The following RFFL variants were observed in gnomAD, a reference collection of about 807,000 sequenced individuals.
RFFL encodes the protein E3 ubiquitin-protein ligase rififylin.
RFFL carries 16 observed loss-of-function variants against 40.4 expected under a neutral mutation model. The observed-to-expected ratio is 0.40, with a 90% CI of 0.27 to 0.60. The LOEUF (loss-of-function observed/expected upper bound fraction) is 0.60, where lower values mean the gene tolerates loss of function less well. RFFL is among the 20% of genes least tolerant of loss of function. The pLI is 0.47. For missense variants in RFFL, 367 were observed against 451.7 expected (o/e 0.81, Z 1.70); for synonymous variants, 154 against 167.9 (o/e 0.92, Z 0.64).
At chr17:35,084,166 G>A (rs2091417525) in intron 1 of RFFL, among the ~76,000 whole-genome samples, 1 of 152,242 alleles carries the variant, frequency 6.6e-6, no homozygotes, top group African/African-American at 2.4e-5. Flanking sequence ...TTGAACCCAG[G>A]AGGCAGAGGT....
At chr17:35,044,412 G>C (rs1475001427) in intron 1 of RFFL, among the ~76,000 whole-genome samples, 1 of 152,242 alleles carries the variant, frequency 6.6e-6, no homozygotes, top group South Asian at 2.1e-4. Context: ...AGCCAGGCGC[G>C]GCAGGCTCAC....
At chr17:35,079,706 A>G (rs145879569) in intron 1 of RFFL, among the ~76,000 whole-genome samples, 2 of 152,248 alleles carry the variant, frequency 1.3e-5, no homozygotes, top group Non-Finnish European at 2.9e-5. Flanking sequence ...GATCAATGGG[A>G]GTGGTGGGGA....
chr17:35,055,656 A>T (rs2091256220), intron 1 of RFFL, among the ~76,000 whole-genome samples: 1 of 149,094 alleles, frequency 6.7e-6, no homozygotes, highest in Non-Finnish European at 1.5e-5. Context: ...GGGCCACAAG[A>T]GCAAAACTCC....
chr17:35,085,686 C>T (rs1433954977), intron 1 of RFFL, among the ~76,000 whole-genome samples: 1 of 152,170 alleles, frequency 6.6e-6, no homozygotes, highest in Non-Finnish European at 1.5e-5. Flanking sequence ...CCTCTGCCTC[C>T]CAAAGTGCTG....
At chr17:35,069,538 C>T (rs1379450300) in intron 1 of RFFL, 1 of 338,144 alleles carries the variant, frequency 3.0e-6, no homozygotes, top group Admixed American at 4.0e-5. Context: ...GAACTGTGTA[C>T]TTCAGTAGTA....
At chr17:35,017,454 G>T in intron 4 of RFFL, 69 bp downstream of exon 4, 1 of 973,150 alleles carries the variant, frequency 1.0e-6, no homozygotes, top group Non-Finnish European at 1.6e-6. Flanking sequence ...ACTCGACTCT[G>T]CTAAGAGGTT....
At chr17:35,031,651 A>G (rs1291925215) in intron 1 of RFFL, among the ~76,000 whole-genome samples, 1 of 151,992 alleles carries the variant, frequency 6.6e-6, no homozygotes, top group Non-Finnish European at 1.5e-5. Flanking sequence ...GATCAGCTCT[A>G]CAGGGGAAGA....
chr17:35,026,782 C>T (rs573994936), intron 1 of RFFL, among the ~76,000 whole-genome samples: 20 of 152,212 alleles, frequency 1.3e-4, no homozygotes, highest in African/African-American at 4.8e-4. Flanking sequence ...CTCAGCTCAT[C>T]ACAACCTCCG....
At position 35,026,380 on chromosome 17, in the gene RFFL, G is replaced by A; in HGVS notation, c.174C>T (p.Ala58=). 1 of 1,613,738 alleles carries A rather than the reference G, an allele frequency of 6.2e-7. No homozygotes were observed. The highest frequency in any genetic ancestry group is 8.5e-7 in the Non-Finnish European group (1 of 1,179,854). ...CCAAGAAGTCAGCACTCACCTTCCT[G>A]GCCGTGTTTGCAAAGTGAGCCCCAC... ...KSCGAHFANT[A]RKQTCLDCKK... Residue 58 remains alanine (A), a synonymous_variant, in exon 2 of 7, where the codon GCC becomes GCT. Transcript: ENST00000394597.
intron 6 of RFFL, among the ~76,000 whole-genome samples, chr17:35,014,301 T>G (rs547503654): frequency 2.6e-5 from 4 of 152,230 alleles, no homozygotes; most frequent in Admixed American, 1.3e-4. Flanking sequence ...CAGGGCTGTC[T>G]CAGGTCACCA....
At chr17:35,028,373 CCATAGTA>C (rs1217582895) in intron 1 of RFFL, among the ~76,000 whole-genome samples, 1 of 151,956 alleles carries the variant, frequency 6.6e-6, no homozygotes, top group Non-Finnish European at 1.5e-5. Flanking sequence ...TTTATTACTC[CCATAGTA>C]CATATCAAAT....
intron 1 of RFFL, among the ~76,000 whole-genome samples, chr17:35,079,198 T>A (rs982763307): frequency 1.3e-4 from 20 of 152,136 alleles, no homozygotes; most frequent in African/African-American, 4.6e-4. Context: ...AATTTTTGTA[T>A]TTTTAGTAGA....
At chr17:35,045,683 A>G (rs2091194947) in intron 1 of RFFL, among the ~76,000 whole-genome samples, 1 of 152,224 alleles carries the variant, frequency 6.6e-6, no homozygotes. Context: ...TAATGATAAC[A>G]GCAATAGAGC....
chr17:35,070,725 C>T (rs1310523277), intron 1 of RFFL, among the ~76,000 whole-genome samples: 1 of 152,082 alleles, frequency 6.6e-6, no homozygotes, highest in East Asian at 1.9e-4. Flanking sequence ...TCAAGGAAAC[C>T]ATGGCAGGGG....
intron 1 of RFFL, among the ~76,000 whole-genome samples, chr17:35,070,618 A>C (rs916886157): frequency 2.6e-5 from 4 of 152,172 alleles, no homozygotes; most frequent in African/African-American, 9.7e-5. Flanking sequence ...AGAAATTCAC[A>C]GTTTTGAAAT....
intron 4 of RFFL, 49 bp from the exon 5 acceptor site, chr17:35,016,629 G>A (rs763280637): frequency 6.7e-7 from 1 of 1,493,444 alleles, no homozygotes; most frequent in South Asian, 1.2e-5. Context: ...ACCTCCCCAA[G>A]CTCTTTCTCC....
intron 1 of RFFL, among the ~76,000 whole-genome samples, chr17:35,084,241 T>A (rs965109503): frequency 1.9e-4 from 28 of 151,148 alleles, no homozygotes; most frequent in African/African-American, 5.6e-4. Flanking sequence ...CTCAAAAAAA[T>A]AAATAAATAA....
At chr17:35,034,315 AGAGCAAGT>A (rs1312582094) in intron 1 of RFFL, among the ~76,000 whole-genome samples, 10 of 152,054 alleles carry the variant, frequency 6.6e-5, no homozygotes, top group Non-Finnish European at 2.9e-5. Flanking sequence ...TAGGCACCAC[AGAGCAAGT>A]TCCTGTCTCA....
At chr17:35,052,256 C>T (rs1368087708) in intron 1 of RFFL, among the ~76,000 whole-genome samples, 6 of 152,174 alleles carry the variant, frequency 3.9e-5, no homozygotes, top group Non-Finnish European at 7.4e-5. Flanking sequence ...CTTTCCCTTT[C>T]ACTTGAAACA....
Sources: allele counts gnomAD v4.1 joint callset (sites outside exome capture counted in the v4.1 genomes callset), GRCh38; gene constraint gnomAD v4.1.1; transcripts MANE v1.5; gene names NCBI Gene and HGNC (gene_info 2026-07-23, HGNC 2026-07-21).